The following PLAC8 variants were observed in gnomAD, a reference collection of about 807,000 sequenced individuals.
PLAC8 encodes the protein placenta associated 8.
PLAC8 carries 6 observed loss-of-function variants against 12.6 expected under a neutral mutation model. The ratio of observed to expected loss-of-function variants is 0.48; its 90% confidence interval spans 0.26 to 0.94. PLAC8 has a LOEUF of 0.94. Among genes scored for constraint, PLAC8 ranks in the 40% least tolerant of loss-of-function variants. The pLI, the probability that PLAC8 is intolerant of heterozygous loss-of-function variation, is 0.14. For synonymous variants in PLAC8, 54 were observed against 52.6 expected (o/e 1.03, Z -0.11); for missense variants, 122 against 152.7 (o/e 0.80, Z 1.06).
intron 4 of PLAC8, chr4:83,094,424 T>C (rs1181836357): frequency 3.0e-6 from 1 of 333,332 alleles, no homozygotes; most frequent in African/African-American, 2.2e-5. Flanking sequence ...AAGTGCTTCC[T>C]TAATAGATCA....
At chr4:83,106,545 A>T (rs1309173812) in intron 2 of PLAC8, among the ~76,000 whole-genome samples, 1 of 152,036 alleles carries the variant, frequency 6.6e-6, no homozygotes, top group East Asian at 2.0e-4. Context: ...TGAACCAGGG[A>T]GACAGACAAT....
Position 83,107,872 on chromosome 4 carries a change from G to A in PLAC8, c.50C>T (p.Pro17Leu). 6.2e-7 allele frequency: 1 copy of A among 1,602,448 alleles called. No homozygotes were observed. The part of the protein sequence containing the change: ...VVVVTQPGVG[P>L]GPAPQNSNWQ... ...GTTGGAGTTCTGGGGGGCCGGACCGGGACCGACTCCAGGTTGGGTCACAAC... is the reference window on the plus strand; with the variant it reads ...GTTGGAGTTCTGGGGGGCCGGACCGAGACCGACTCCAGGTTGGGTCACAAC... Residue 17 changes from proline (P) to leucine (L), a missense_variant, in exon 2 of 5, where the codon CCC (proline) becomes CTC (leucine). Physicochemically the swap from Pro to Leu is moderately conservative, Grantham distance 98. Coordinates refer to ENST00000311507, the MANE Select transcript of PLAC8 (RefSeq NM_016619.3).
At chr4:83,101,223 C>CA (rs1388960141) in intron 3 of PLAC8, among the ~76,000 whole-genome samples, 2 of 152,102 alleles carry the variant, frequency 1.3e-5, no homozygotes, top group African/African-American at 4.8e-5. Flanking sequence ...ACTAAAAATA[C>CA]AAAAAAATTA....
At chr4:83,106,082 C>A (rs1167475055) in intron 2 of PLAC8, among the ~76,000 whole-genome samples, 2 of 151,934 alleles carry the variant, frequency 1.3e-5, no homozygotes, top group Non-Finnish European at 2.9e-5. Context: ...TCACTGCAAC[C>A]TCTACCTCTC....
At chr4:83,103,822 C>T (rs1732172131) in intron 3 of PLAC8, among the ~76,000 whole-genome samples, 1 of 152,196 alleles carries the variant, frequency 6.6e-6, no homozygotes, top group African/African-American at 2.4e-5. Flanking sequence ...GCACCTGCCA[C>T]CACGCCTGGC....
intron 1 of PLAC8, among the ~76,000 whole-genome samples, chr4:83,113,245 C>G (rs1732464251): frequency 6.6e-6 from 1 of 152,172 alleles, no homozygotes; most frequent in Non-Finnish European, 1.5e-5. Flanking sequence ...CACGTAGCTG[C>G]TTCGGTGAGA....
rs1274860215 is a variant in PLAC8, at chr4:83,090,629, C to T, written c.*352G>A. 1 of 148,192 alleles carries T rather than the reference C, an allele frequency of 6.7e-6. No homozygotes were observed. Among genetic ancestry groups the T allele is most frequent in the Non-Finnish European group, 1.5e-5 (1 of 67,166 alleles). The allele number at this position is 148,192 out of a possible 1,614,324, so 9.2% of individuals were successfully genotyped here. Reference sequence around the variant, plus strand: ...TATAAGAACAAAATTATGAGACTGACCCTTGGAACTAACTAGTGAAAAAGA... The same window carrying T: ...TATAAGAACAAAATTATGAGACTGATCCTTGGAACTAACTAGTGAAAAAGA... On this transcript the variant is annotated 3_prime_UTR_variant, in exon 5 of 5. Transcript: ENST00000311507.
intron 4 of PLAC8, among the ~76,000 whole-genome samples, chr4:83,091,904 T>G (rs1443663435): frequency 6.6e-6 from 1 of 152,214 alleles, no homozygotes; most frequent in African/African-American, 2.4e-5. Context: ...TTTTATACTT[T>G]GGGTTATAAT....
chr4:83,101,170 G>C (rs2126141569), intron 3 of PLAC8, among the ~76,000 whole-genome samples: 1 of 152,292 alleles, frequency 6.6e-6, no homozygotes, highest in South Asian at 2.1e-4. Flanking sequence ...ACGAGGTCAG[G>C]AGATTGAGAC....
At chr4:83,091,486 A>G (rs1301192569) in intron 4 of PLAC8, among the ~76,000 whole-genome samples, 2 of 152,200 alleles carry the variant, frequency 1.3e-5, no homozygotes, top group African/African-American at 2.4e-5. Flanking sequence ...TGCCATTCTC[A>G]TCACATCAAA....
At chr4:83,103,182 G>T (rs1301512162) in intron 3 of PLAC8, among the ~76,000 whole-genome samples, 1 of 151,844 alleles carries the variant, frequency 6.6e-6, no homozygotes, top group Admixed American at 6.6e-5. Flanking sequence ...GGATCACAAG[G>T]TCAAGAGATC....
At chr4:83,100,953 T>G (rs1055413257) in intron 3 of PLAC8, among the ~76,000 whole-genome samples, 1 of 152,110 alleles carries the variant, frequency 6.6e-6, no homozygotes, top group African/African-American at 2.4e-5. Context: ...AAAACAACCT[T>G]ATTGCTAATC....
intron 1 of PLAC8, among the ~76,000 whole-genome samples, chr4:83,112,262 A>G (rs1732443211): frequency 6.7e-6 from 1 of 149,742 alleles, no homozygotes; most frequent in African/African-American, 2.5e-5. Context: ...TCAAATATCC[A>G]TATGCTAACT....
chr4:83,107,220 A>AAC (rs1560456355), intron 2 of PLAC8, among the ~76,000 whole-genome samples: 1 of 148,198 alleles, frequency 6.7e-6, no homozygotes, highest in Non-Finnish European at 1.5e-5. Flanking sequence ...CAAAAAAAAA[A>AAC]AACAAAAAAA....
At chr4:83,096,806 T>C (rs1731942959) in intron 3 of PLAC8, among the ~76,000 whole-genome samples, 1 of 152,220 alleles carries the variant, frequency 6.6e-6, no homozygotes, top group South Asian at 2.1e-4. Context: ...TTGTTTTGTG[T>C]CCTTCAGAGC....
chr4:83,093,501 A>C (rs1731856176), intron 4 of PLAC8: 1 of 152,156 alleles, frequency 6.6e-6, no homozygotes, highest in Admixed American at 6.6e-5. Flanking sequence ...CCACACCTTT[A>C]TAATTAGTCT....
intron 2 of PLAC8, 95 bp from the exon 3 acceptor site, chr4:83,105,115 G>A (rs1271255014): frequency 6.9e-7 from 1 of 1,456,418 alleles, no homozygotes; most frequent in African/African-American, 1.4e-5. Flanking sequence ...TCCGAGTCAT[G>A]GGGCCTTGGC....
intron 1 of PLAC8, among the ~76,000 whole-genome samples, chr4:83,112,552 G>A (rs939918491): frequency 2.0e-5 from 3 of 152,168 alleles, no homozygotes; most frequent in African/African-American, 7.2e-5. Context: ...GCTTATCCCT[G>A]CGTAGAAGAG....
At chr4:83,097,247 GTGTGTA>G in intron 3 of PLAC8, among the ~76,000 whole-genome samples, 1 of 151,866 alleles carries the variant, frequency 6.6e-6, no homozygotes, top group East Asian at 1.9e-4. Flanking sequence ...GTGTGTGTGG[GTGTGTA>G]TGTGTGTGTG....
Sources: allele counts gnomAD v4.1 joint callset (sites outside exome capture counted in the v4.1 genomes callset), GRCh38; gene constraint gnomAD v4.1.1; transcripts MANE v1.5; gene names NCBI Gene and HGNC (gene_info 2026-07-23, HGNC 2026-07-21).